Variants in MAGEC3 observed in about 807,000 individuals in gnomAD.
MAGEC3 encodes the protein melanoma-associated antigen C3.
A neutral mutation model predicts 35.3 loss-of-function variants in MAGEC3; 34 were observed. The observed-to-expected ratio is 0.96, with a 90% CI of 0.73 to 1.28. The LOEUF is 1.28. Ranked by LOEUF, MAGEC3 falls within the 50% of genes most tolerant of loss-of-function variation. The pLI, the probability that MAGEC3 is intolerant of heterozygous loss-of-function variation, is 0.00. For missense variants in MAGEC3, 561 were observed against 483.6 expected, an observed-to-expected ratio of 1.16 and a Z score of -1.50; for synonymous variants, 202 against 185.6, an observed-to-expected ratio of 1.09 and a Z score of -0.72.
chrX:141,863,648 T>C (rs1463769224), intron 1 of MAGEC3, among the ~76,000 whole-genome samples: 1 of 111,495 alleles, frequency 9.0e-6, no homozygotes, highest in African/African-American at 3.3e-5. Flanking sequence ...AGCCTATTCA[T>C]TTTAAAATAT....
At chrX:141,880,803 C>T (rs1219787454) in intron 3 of MAGEC3, 1 of 1,060,303 alleles carries the variant, frequency 9.4e-7, no homozygotes, top group Non-Finnish European at 1.3e-6. Context: ...ACCCGTGAGG[C>T]CCTAGAGCAC....
At chrX:141,863,415 T>C (rs930454671) in intron 1 of MAGEC3, among the ~76,000 whole-genome samples, 2 of 111,361 alleles carry the variant, frequency 1.8e-5, no homozygotes, top group South Asian at 7.4e-4. Flanking sequence ...CATTATATAT[T>C]TGTCAATATC....
rs2018074029 is a variant in MAGEC3 at position 141,894,957 on chromosome X, G to A, written c.910-312G>A. ...GTTGGGAGGTGGGTAGGAAAAGGTGGGAGGGAGTGGGAAAGTGGGCAGGAA... is the reference window on the plus strand; with the variant it reads ...GTTGGGAGGTGGGTAGGAAAAGGTGAGAGGGAGTGGGAAAGTGGGCAGGAA... On this transcript the variant is annotated intron_variant, in intron 4 of 7. Transcript: ENST00000298296. The A allele has an allele frequency of 1.7e-5, 10 of 571,510 alleles. No homozygotes were observed. The South Asian group carries it at 3.4e-4, about 19-fold the overall frequency. 47.1% of individuals were successfully genotyped at this position (571,510 alleles called of 1,213,427 possible). A position where few individuals can be genotyped will look rare whatever the true frequency, so the allele number is the denominator to read the frequency against.
intron 1 of MAGEC3, among the ~76,000 whole-genome samples, chrX:141,853,701 A>C (rs779360537): frequency 9.0e-6 from 1 of 111,678 alleles, no homozygotes. Context: ...AAGTAATTTT[A>C]AAAAATCATG....
chrX:141,841,733 G>A (rs2017686900), intron 1 of MAGEC3, among the ~76,000 whole-genome samples: 1 of 111,686 alleles, frequency 9.0e-6, no homozygotes, highest in Non-Finnish European at 1.9e-5. Context: ...ATTTGTCAAT[G>A]ATGACCGTTT....
intron 2 of MAGEC3, among the ~76,000 whole-genome samples, chrX:141,866,771 G>T (rs559950357): frequency 1.8e-5 from 2 of 112,509 alleles, no homozygotes; most frequent in East Asian, 5.6e-4. Flanking sequence ...ATGCTGCAAT[G>T]AAAATGAAGC....
chrX:141,870,687 T>G (rs1252179458), intron 2 of MAGEC3, among the ~76,000 whole-genome samples: 1 of 112,447 alleles, frequency 8.9e-6, no homozygotes, highest in African/African-American at 3.2e-5. Context: ...GTAGCTTTAA[T>G]TACATGTTAT....
chrX:141,894,793 A>T, intron 4 of MAGEC3: 1 of 963,582 alleles, frequency 1.0e-6, no homozygotes, highest in South Asian at 2.0e-5. Flanking sequence ...GACAAAACAG[A>T]TGGAGAGGTG....
chrX:141,885,294 A>G (rs2017994044), intron 4 of MAGEC3, among the ~76,000 whole-genome samples: 1 of 109,774 alleles, frequency 9.1e-6, no homozygotes, highest in African/African-American at 3.3e-5. Flanking sequence ...AGGAACACAG[A>G]GTTTAATCAG....
chrX:141,865,621 A>G lies in MAGEC3; in HGVS notation c.258+16A>G, dbSNP rs201285925. ...ATACTTCAAGGTAAGGACTCTAAGG[A>G]AAGACTGAGGGGACCTCCTGCCACA... is the stretch of plus-strand genomic sequence containing the variant. On this transcript the variant is annotated intron_variant, in intron 2 of 7. Coordinates refer to ENST00000298296, the MANE Select transcript of MAGEC3 (RefSeq NM_138702.1). 2.8e-4 allele frequency: 332 copies of G among 1,193,304 alleles called. No individual in the cohort carries two copies. In the African/African-American group the frequency reaches 5.4e-3, roughly 19 times the overall value.
intron 4 of MAGEC3, among the ~76,000 whole-genome samples, 170 bp from the exon 5 acceptor site, chrX:141,895,099 A>AGGGTGGGAAC (rs772552892): frequency 0.25 from 2,435 of 9,786 alleles, 195 homozygotes; most frequent in African/African-American, 0.45. Flanking sequence ...GTCAGGGAGG[A>AGGGTGGGAAC]GGGTGGGAGG....
At chrX:141,895,720 G>A (rs1241590027) in intron 6 of MAGEC3, among the ~76,000 whole-genome samples, 161 bp downstream of exon 6, 5 of 106,504 alleles carry the variant, frequency 4.7e-5, no homozygotes, top group African/African-American at 1.7e-4. Flanking sequence ...CTCATTGCTG[G>A]GGGAGGGGTG....
intron 2 of MAGEC3, among the ~76,000 whole-genome samples, chrX:141,877,853 C>G (rs1294414994): frequency 1.8e-5 from 2 of 111,925 alleles, no homozygotes; most frequent in African/African-American, 6.5e-5. Flanking sequence ...CTCATATGTT[C>G]CACACTCAAT....
At chrX:141,862,786 G>C (rs2017823382) in intron 1 of MAGEC3, among the ~76,000 whole-genome samples, 1 of 112,062 alleles carries the variant, frequency 8.9e-6, no homozygotes, top group Non-Finnish European at 1.9e-5. Context: ...GAGTGTGAGT[G>C]AATGGTTTCA....
At chrX:141,850,135 TACC>T (rs1472449828) in intron 1 of MAGEC3, among the ~76,000 whole-genome samples, 8 of 110,965 alleles carry the variant, frequency 7.2e-5, no homozygotes, top group Non-Finnish European at 1.3e-4. Flanking sequence ...TAAAACTAAA[TACC>T]ACATGTTCTC....
At chrX:141,862,725 G>T (rs980996034) in intron 1 of MAGEC3, among the ~76,000 whole-genome samples, 1 of 112,386 alleles carries the variant, frequency 8.9e-6, no homozygotes, top group Non-Finnish European at 1.9e-5. Context: ...GTGAGATAAA[G>T]TGTTGATCAC....
intron 1 of MAGEC3, among the ~76,000 whole-genome samples, chrX:141,853,625 A>G (rs1430693375): frequency 9.0e-6 from 1 of 111,463 alleles, no homozygotes; most frequent in Non-Finnish European, 1.9e-5. Flanking sequence ...AGATTTCTGG[A>G]CTTTCACTAT....
Position 141,865,491 on chromosome X carries a change from T to G in MAGEC3, c.144T>G (p.Asp48Glu). ...PQPQPRKKAT[D>E]KDYSAFHLGH... ...AGTAGCCCCGGAAAAAGGCCACAGA[T>G]AAGGACTATTCTGCCTTTCATCTTG... The change falls in exon 2 of 8, where the codon GAT becomes GAG. Residue 48 changes from aspartate to glutamate, a missense_variant. Coordinates refer to ENST00000298296, the MANE Select transcript of MAGEC3 (RefSeq NM_138702.1). 8.3e-7 allele frequency: 1 copy of G among 1,210,335 alleles called. No individual in the cohort carries two copies. The highest frequency in any genetic ancestry group is 1.1e-6 in the Non-Finnish European group (1 of 894,765).
chrX:141,865,473 C>G lies in MAGEC3; in HGVS notation c.126C>G (p.Pro42=), dbSNP rs1314790407. The G allele has an allele frequency of 1.7e-6, 2 of 1,205,447 alleles. No individual in the cohort carries two copies. The highest frequency in any genetic ancestry group is 1.1e-6 in the Non-Finnish European group (1 of 893,014). The part of the protein sequence containing the change: ...SPVVLPPQPQ[P]RKKATDKDYS... ...CCCCTGATATTTGACCTGAGTAGCC[C>G]CGGAAAAAGGCCACAGATAAGGACT... Residue 42 remains proline, a splice_region_variant and synonymous_variant, in exon 2 of 8, where the codon CCC becomes CCG. Transcript: ENST00000298296.
Sources: allele counts gnomAD v4.1 joint callset (sites outside exome capture counted in the v4.1 genomes callset), GRCh38; gene constraint gnomAD v4.1.1; transcripts MANE v1.5; gene names NCBI Gene and HGNC (gene_info 2026-07-23, HGNC 2026-07-21).